SH3BP2: variants seen among roughly 807,000 people sequenced by gnomAD.
SH3BP2 encodes the protein SH3 domain binding protein 2.
A neutral mutation model predicts 56.2 loss-of-function variants in SH3BP2; 38 were observed. That is an observed-to-expected ratio of 0.68 (90% CI 0.52 to 0.89). The LOEUF (loss-of-function observed/expected upper bound fraction) is 0.89, where lower values mean the gene tolerates loss of function less well. Ranked by LOEUF, SH3BP2 falls within the 40% of genes least tolerant of loss-of-function variation. SH3BP2 has a pLI of 0.00. For synonymous variants in SH3BP2, 346 were observed against 316.7 expected, an observed-to-expected ratio of 1.09 and a Z score of -0.98; for missense variants, 748 against 762.6, an observed-to-expected ratio of 0.98 and a Z score of 0.23.
At position 2,837,539 on chromosome 4, in the gene SH3BP2, A is replaced by G. The variant is rs1002557493; in HGVS notation, c.*3705A>G. On this transcript the variant is annotated 3_prime_UTR_variant, in exon 13 of 13. Transcript: ENST00000503393. ...GAGGCAGGCAGGGCTTATTGGGGCC[A>G]TTTCATAGAAAGGCAGATTGAAGCT... 3 of 152,320 alleles carry G rather than the reference A, an allele frequency of 2.0e-5. No homozygotes were observed. Among genetic ancestry groups the G allele is most frequent in the Non-Finnish European group, 4.4e-5 (3 of 68,166 alleles). The allele number at this position is 152,320 out of a possible 1,614,324, so 9.4% of individuals were successfully genotyped here.
Position 2,829,957 on chromosome 4 carries a change from C to A in SH3BP2, c.1051C>A (p.Pro351Thr). The change falls in exon 8 of 13, where the codon CCT becomes ACT. Residue 351 changes from proline (P) to threonine (T), a missense_variant. Coordinates refer to ENST00000503393, the MANE Select transcript of SH3BP2 (RefSeq NM_001122681.2). This position sits in a 1 kb window ranked among gnomAD's most constrained non-coding sequence, Gnocchi z 4.9. ...PRGPPTSEPP[P>T]VPANKPKFLK... ...AGGACCACCCACATCTGAGCCCCCACCTGTGCCAGCCAACAAGCCCAAGTT... is the reference window on the plus strand; with the variant it reads ...AGGACCACCCACATCTGAGCCCCCAACTGTGCCAGCCAACAAGCCCAAGTT... 1 of 1,613,520 alleles carries A rather than the reference C, an allele frequency of 6.2e-7. No homozygotes were observed. Among genetic ancestry groups the A allele is most frequent in the South Asian group, 1.1e-5 (1 of 91,086 alleles).
At position 2,829,660 on chromosome 4, in the gene SH3BP2, GA is replaced by G; in HGVS notation, c.755del (p.Glu252GlyfsTer26). ...HGLPDVGLAA[E>X]DSKRDPLCPR... ...CCTCCCAGATGTTGGCCTGGCTGCT[GA>G]GGACTCCAAGAGGGACCCACTGTGC... is the stretch of plus-strand genomic sequence containing the variant. On this transcript the variant is annotated frameshift_variant, in exon 8 of 13. Transcript: ENST00000503393. LOFTEE classifies it high-confidence loss of function. The surrounding 1 kb of genome is among the most constrained non-coding windows in gnomAD (Gnocchi z 4.9). The G allele has an allele frequency of 6.2e-7, 1 of 1,612,964 alleles. No homozygotes were observed. The highest frequency in any genetic ancestry group is 8.5e-7 in the Non-Finnish European group (1 of 1,179,858).
intron 2 of SH3BP2, among the ~76,000 whole-genome samples, chr4:2,821,560 CTTTTA>C (rs752451058): frequency 6.6e-6 from 1 of 152,182 alleles, no homozygotes; most frequent in East Asian, 1.9e-4. Context: ...GAGTCTCCCT[CTTTTA>C]TTTTATTTTT....
At chr4:2,804,083 T>TA (rs1460066319) in intron 1 of SH3BP2, among the ~76,000 whole-genome samples, 1 of 152,172 alleles carries the variant, frequency 6.6e-6, no homozygotes, top group Admixed American at 6.5e-5. Flanking sequence ...CCGAGCCCAC[T>TA]GAATAGGTGG....
At position 2,824,744 on chromosome 4, in the gene SH3BP2, C is replaced by CTA. The variant is rs771603844; in HGVS notation, c.357+14_357+15insTA. 5 of 1,581,440 alleles carry CTA rather than the reference C, an allele frequency of 3.2e-6. 1 individual carries two copies. The South Asian group carries it at 5.5e-5, about 17-fold the overall frequency. On this transcript the variant is annotated intron_variant, in intron 4 of 12. Transcript: ENST00000503393. ...GAGGAGCGCAAGGTGACTGGGGGTC[C>CTA]GAGGACGAGTGCAAGGTGACTGGGG...
At chr4:2,807,923 G>A (rs1007005715) in intron 1 of SH3BP2, among the ~76,000 whole-genome samples, 2 of 152,176 alleles carry the variant, frequency 1.3e-5, no homozygotes, top group Non-Finnish European at 2.9e-5. Flanking sequence ...AGCAGTGCCC[G>A]CCCAGGTTGG....
In SH3BP2 at chr4:2,835,287, CT is replaced by C. The variant is rs1725192798; in HGVS notation, c.*1454del. 1 of 152,278 alleles carries C rather than the reference CT, an allele frequency of 6.6e-6. No homozygotes were observed. Among genetic ancestry groups the C allele is most frequent in the African/African-American group, 2.4e-5 (1 of 41,424 alleles). 9.4% of individuals were successfully genotyped at this position (152,278 alleles called of 1,614,324 possible). A position where few individuals can be genotyped will look rare whatever the true frequency, so the allele number is the denominator to read the frequency against. On this transcript the variant is annotated 3_prime_UTR_variant, in exon 13 of 13. Coordinates refer to ENST00000503393, the MANE Select transcript of SH3BP2 (RefSeq NM_001122681.2). Reference sequence around the variant, plus strand: ...TTGCTGGCGGAAACAAGTGATGAGGCTGGTTAGCGGATGTGGGAGGCTGTGA... The same window carrying C: ...TTGCTGGCGGAAACAAGTGATGAGGCGGTTAGCGGATGTGGGAGGCTGTGA...
chr4:2,802,570 ATG>A (rs1723343505), intron 1 of SH3BP2, among the ~76,000 whole-genome samples: 1 of 128,500 alleles, frequency 7.8e-6, no homozygotes, highest in Admixed American at 7.9e-5. Flanking sequence ...ATATGTATAT[ATG>A]TGTATATGTA....
chr4:2,825,241 GC>G, intron 5 of SH3BP2, 45 bp downstream of exon 5: 1 of 1,503,028 alleles, frequency 6.7e-7, no homozygotes, highest in Non-Finnish European at 9.1e-7. Context: ...GGTCCCTGGG[GC>G]GCCTGGGCCT....
At chr4:2,832,838 C>T in intron 11 of SH3BP2, 152 bp from the exon 12 acceptor site, 1 of 776,278 alleles carries the variant, frequency 1.3e-6, no homozygotes, top group Non-Finnish European at 2.3e-6. Context: ...CCCCGCTGTC[C>T]TTGTGCAGGT....
intron 1 of SH3BP2, among the ~76,000 whole-genome samples, chr4:2,804,810 G>T (rs958218658): frequency 6.6e-6 from 1 of 152,266 alleles, no homozygotes; most frequent in Non-Finnish European, 1.5e-5. Context: ...GCACCCTCAG[G>T]TTGTGTTGTA....
intron 12 of SH3BP2, 122 bp from the exon 13 acceptor site, chr4:2,833,575 A>G: frequency 7.5e-7 from 1 of 1,340,288 alleles, no homozygotes; most frequent in South Asian, 1.3e-5. Context: ...ACCGACAGCC[A>G]GGGGCCAGCC....
At chr4:2,821,004 A>G (rs1351332314) in intron 2 of SH3BP2, among the ~76,000 whole-genome samples, 1 of 152,144 alleles carries the variant, frequency 6.6e-6, no homozygotes, top group Non-Finnish European at 1.5e-5. Context: ...TGCAGCCAGG[A>G]CCTGGGGACC....
Position 2,827,591 on chromosome 4 carries a change from C to A in SH3BP2, c.518-15C>A, listed in dbSNP as rs147331573. 3.0e-5 allele frequency: 48 copies of A among 1,582,628 alleles called. No individual in the cohort carries two copies. In the South Asian group the frequency reaches 5.1e-4, roughly 17 times the overall value. The stretch of plus-strand genomic sequence containing the variant: ...GGGCCGGTTTGGCTCTCACCACCCC[C>A]CTCTCCCCATGCAGACTATGAGCAC... On this transcript the variant is annotated splice_polypyrimidine_tract_variant and intron_variant, in intron 6 of 12. Transcript: ENST00000503393.
At chr4:2,816,554 A>T (rs1278952237) in intron 1 of SH3BP2, among the ~76,000 whole-genome samples, 1 of 152,208 alleles carries the variant, frequency 6.6e-6, no homozygotes, top group Non-Finnish European at 1.5e-5. Flanking sequence ...TCAGTCTTTT[A>T]CCACTAGGTA....
chr4:2,812,749 G>A (rs1381455752), intron 1 of SH3BP2, among the ~76,000 whole-genome samples: 3 of 151,526 alleles, frequency 2.0e-5, no homozygotes, highest in Admixed American at 6.6e-5. Context: ...ATCACATGCG[G>A]CCGACAGGGA....
intron 1 of SH3BP2, chr4:2,818,596 C>T (rs1365830782): frequency 3.6e-6 from 2 of 554,886 alleles, no homozygotes; most frequent in South Asian, 8.4e-5. Context: ...TGTCGATCTG[C>T]GGGCAGCTCC....
chr4:2,836,687 C>G lies in SH3BP2; in HGVS notation c.*2853C>G, dbSNP rs1005616863. 1 of 152,286 alleles carries G rather than the reference C, an allele frequency of 6.6e-6. No individual in the cohort carries two copies. Among genetic ancestry groups the G allele is most frequent in the African/African-American group, 2.4e-5 (1 of 41,470 alleles). The allele number at this position is 152,286 out of a possible 1,614,324, so 9.4% of individuals were successfully genotyped here. On this transcript the variant is annotated 3_prime_UTR_variant, in exon 13 of 13. Transcript: ENST00000503393. ...GGCTAGGGTTAGGGCTCTGGAGGTG[C>G]TTTCACTCAACCAAGGGGGCCACAG... is the stretch of plus-strand genomic sequence containing the variant.
Position 2,810,078 on chromosome 4 carries a change from C to G in SH3BP2, c.-4-10536C>G, listed in dbSNP as rs559094629. 6.6e-6 allele frequency among the ~76,000 whole-genome samples: 1 copy of G among 152,246 alleles called. No individual in the cohort carries two copies. The highest frequency in any genetic ancestry group is 2.1e-4 in the South Asian group (1 of 4,832). ...GCCATGGCTGAGGAGGGGAGAATGG[C>G]CTGTGTTTAGGAATATGAACGGCAG... On this transcript the variant is annotated intron_variant, in intron 1 of 12. Coordinates refer to ENST00000503393, the MANE Select transcript of SH3BP2 (RefSeq NM_001122681.2). The surrounding 1 kb of genome is among the most constrained non-coding windows in gnomAD (Gnocchi z 4.2).
Sources: gnomAD v4.1 joint callset for allele counts (sites outside exome capture counted in the v4.1 genomes callset) on GRCh38, gnomAD v4.1.1 for gene constraint, Gnocchi (gnomAD v3.1) non-coding constraint, MANE v1.5 for transcripts, NCBI Gene and HGNC (gene_info 2026-07-23, HGNC 2026-07-21) for gene names.